The following DDR2 variants were observed in gnomAD, a reference collection of about 807,000 sequenced individuals.
DDR2 encodes discoidin domain receptor tyrosine kinase 2, also known as discoidin domain-containing receptor 2.
In DDR2, 27 loss-of-function variants were observed where a neutral mutation model predicts 94.9. That is an observed-to-expected ratio of 0.28 (90% CI 0.21 to 0.39). DDR2 has a LOEUF of 0.39. DDR2 is among the 10% of genes least tolerant of loss of function. The pLI, the probability that DDR2 is intolerant of heterozygous loss-of-function variation, is 1.00. For synonymous variants in DDR2, 382 were observed against 377.2 expected (o/e 1.01, Z -0.15); for missense variants, 783 against 1,076.0 (o/e 0.73, Z 3.81).
At chr1:162,709,610 C>T (rs979720772) in intron 2 of DDR2, among the ~76,000 whole-genome samples, 1 of 152,216 alleles carries the variant, frequency 6.6e-6, no homozygotes, top group Non-Finnish European at 1.5e-5. Flanking sequence ...TGACCACAGT[C>T]CCTCAGGCTG....
intron 3 of DDR2, among the ~76,000 whole-genome samples, chr1:162,736,719 C>T (rs976422284): frequency 2.6e-5 from 4 of 152,194 alleles, no homozygotes; most frequent in Admixed American, 6.5e-5. Context: ...TATTTGCTTG[C>T]GAAGTGCATC....
rs768787889 is a variant in DDR2, at chr1:162,755,315, G to T, written c.565+12G>T. ...CTGTGTCTGGCTAGGTAGGTCACTA[G>T]CCCAGGAAGCCTATAGACTTTATTA... On this transcript the variant is annotated intron_variant, in intron 6 of 17. Transcript: ENST00000367921. The T allele has an allele frequency of 3.1e-6, 5 of 1,613,546 alleles. No homozygotes were observed. The highest frequency in any genetic ancestry group is 3.4e-6 in the Non-Finnish European group (4 of 1,179,996).
intron 2 of DDR2, among the ~76,000 whole-genome samples, chr1:162,672,927 A>G (rs1420068494): frequency 6.6e-6 from 1 of 152,102 alleles, no homozygotes; most frequent in African/African-American, 2.4e-5. Flanking sequence ...CATACAAATG[A>G]TTTCTGGGAT....
chr1:162,764,119 T>C (rs959992022), intron 9 of DDR2, among the ~76,000 whole-genome samples: 1 of 152,234 alleles, frequency 6.6e-6, no homozygotes. Flanking sequence ...CAGTGTGGTA[T>C]ACAGTTAGGG....
intron 7 of DDR2, among the ~76,000 whole-genome samples, chr1:162,756,485 G>T (rs780465841): frequency 7.0e-4 from 107 of 152,212 alleles, no homozygotes; most frequent in South Asian, 1.2e-3. Flanking sequence ...TTCACTTCAA[G>T]CCTTTAAGCC....
At chr1:162,692,146 G>T (rs2101978158) in intron 2 of DDR2, among the ~76,000 whole-genome samples, 1 of 152,296 alleles carries the variant, frequency 6.6e-6, no homozygotes. Flanking sequence ...AGTGTTTTCA[G>T]TCTTGAGAGC....
intron 3 of DDR2, among the ~76,000 whole-genome samples, chr1:162,751,713 C>T (rs984304556): frequency 9.9e-5 from 15 of 152,140 alleles, no homozygotes; most frequent in African/African-American, 2.4e-4. Context: ...TTTATTGTGG[C>T]GCTATTCACA....
intron 3 of DDR2, among the ~76,000 whole-genome samples, chr1:162,721,888 G>A (rs753118387): frequency 6.6e-6 from 1 of 152,134 alleles, no homozygotes; most frequent in Non-Finnish European, 1.5e-5. Context: ...ACTGAGCTAA[G>A]CATTAAACTC....
At chr1:162,658,581 C>A (rs1287301348) in intron 2 of DDR2, among the ~76,000 whole-genome samples, 2 of 149,372 alleles carry the variant, frequency 1.3e-5, no homozygotes, top group Non-Finnish European at 3.0e-5. Flanking sequence ...GTAGTCCCAG[C>A]ACTTTGGGAG....
At chr1:162,729,320 T>C (rs1426506733) in intron 3 of DDR2, among the ~76,000 whole-genome samples, 20 of 124,272 alleles carry the variant, frequency 1.6e-4, no homozygotes, top group Admixed American at 4.1e-4. Flanking sequence ...TTTTTTTTTT[T>C]CCTTGGGAGA....
At chr1:162,741,109 A>G (rs983663408) in intron 3 of DDR2, among the ~76,000 whole-genome samples, 3 of 151,418 alleles carry the variant, frequency 2.0e-5, no homozygotes, top group East Asian at 1.9e-4. Flanking sequence ...TCCCTTATCT[A>G]AAATGCTTGG....
At chr1:162,673,453 A>G (rs938478985) in intron 2 of DDR2, among the ~76,000 whole-genome samples, 4 of 152,182 alleles carry the variant, frequency 2.6e-5, no homozygotes, top group African/African-American at 4.8e-5. Flanking sequence ...AACTAATGTT[A>G]GGGCAACTCT....
At chr1:162,689,233 G>A (rs1659837022) in intron 2 of DDR2, among the ~76,000 whole-genome samples, 1 of 152,180 alleles carries the variant, frequency 6.6e-6, no homozygotes, top group South Asian at 2.1e-4. Flanking sequence ...AACACATGAT[G>A]TCACATGAAT....
chr1:162,643,016 C>T (rs144784688), intron 1 of DDR2, among the ~76,000 whole-genome samples: 63 of 152,202 alleles, frequency 4.1e-4, no homozygotes, highest in African/African-American at 1.3e-3. Context: ...CCTTCAAGGG[C>T]GGCTGAAAAG....
intron 1 of DDR2, among the ~76,000 whole-genome samples, chr1:162,650,709 T>A (rs1657645787): frequency 6.6e-6 from 1 of 152,068 alleles, no homozygotes; most frequent in Non-Finnish European, 1.5e-5. Flanking sequence ...ATTGGTCAAT[T>A]CTCAATCCTC....
At chr1:162,739,409 C>A (rs577711583) in intron 3 of DDR2, among the ~76,000 whole-genome samples, 5 of 152,264 alleles carry the variant, frequency 3.3e-5, no homozygotes, top group African/African-American at 1.2e-4. Context: ...CAGATTCAAG[C>A]AATTTTCCTG....
At chr1:162,750,632 T>C (rs1156535385) in intron 3 of DDR2, among the ~76,000 whole-genome samples, 1 of 152,112 alleles carries the variant, frequency 6.6e-6, no homozygotes, top group Non-Finnish European at 1.5e-5. Flanking sequence ...CTTCACAGAA[T>C]TGGAAAAAAC....
In DDR2 at chr1:162,724,394, C is replaced by A. The variant is rs1045234320; in HGVS notation, c.82+5249C>A. Among the ~76,000 whole-genome samples the A allele has an allele frequency of 8.5e-5, 13 of 152,244 alleles. No individual in the cohort carries two copies. The East Asian group carries it at 2.3e-3, about 27-fold the overall frequency. On this transcript the variant is annotated intron_variant, in intron 3 of 17. Transcript: ENST00000367921. ...CCTGAGGCCAAAGAATGGAGTCAGA[C>A]GAATAGGATATACAGTGCTCACACC... is the stretch of plus-strand genomic sequence containing the variant.
chr1:162,749,753 A>G (rs1449582307), intron 3 of DDR2, among the ~76,000 whole-genome samples: 1 of 152,236 alleles, frequency 6.6e-6, no homozygotes, highest in Non-Finnish European at 1.5e-5. Context: ...ATTCATGCAA[A>G]AATCCTAAAT....
Sources: allele counts gnomAD v4.1 joint callset (sites outside exome capture counted in the v4.1 genomes callset), GRCh38; gene constraint gnomAD v4.1.1; transcripts MANE v1.5; gene names NCBI Gene and HGNC (gene_info 2026-07-23, HGNC 2026-07-21).